The following METRNL variants were observed in gnomAD, a reference collection of about 807,000 sequenced individuals.
METRNL encodes the protein meteorin like, glial cell differentiation regulator, also known as meteorin-like protein.
METRNL carries 9 observed loss-of-function variants against 17.4 expected under a neutral mutation model. The ratio of observed to expected loss-of-function variants is 0.52; its 90% CI spans 0.31 to 0.90. METRNL has a LOEUF of 0.90. Ranked by LOEUF, METRNL falls within the 40% of genes least tolerant of loss-of-function variation. The probability of loss-of-function intolerance (pLI) is 0.05; values close to 1 mark genes in which losing one functional copy is unlikely to be tolerated. For synonymous variants in METRNL, 215 were observed against 199.3 expected, an observed-to-expected ratio of 1.08 and a Z score of -0.66; for missense variants, 408 against 430.7, an observed-to-expected ratio of 0.95 and a Z score of 0.47.
intron 1 of METRNL, among the ~76,000 whole-genome samples, chr17:83,081,650 C>T (rs1233677486): frequency 6.6e-6 from 1 of 151,448 alleles, no homozygotes; most frequent in Non-Finnish European, 1.5e-5. Flanking sequence ...CCTCAGACTC[C>T]CCAGAGGGGA....
In METRNL at chr17:83,079,784, G is replaced by T; in HGVS notation, c.-32G>T. 2.1e-6 allele frequency: 2 copies of T among 970,008 alleles called. No individual in the cohort carries two copies. The highest frequency in any genetic ancestry group is 2.4e-6 in the Non-Finnish European group (2 of 819,914). The allele number at this position is 970,008 out of a possible 1,614,324, so 60.1% of individuals were successfully genotyped here. A position where few individuals can be genotyped will look rare whatever the true frequency, so the allele number is the denominator to read the frequency against. On this transcript the variant is annotated 5_prime_UTR_variant, in exon 1 of 4. Transcript: ENST00000320095. ...GGGGTCTGCTCCGGGGGTCGCGGAC[G>T]CGGGGCCGGGCGGCGGAGCCGGCGC...
intron 3 of METRNL, among the ~76,000 whole-genome samples, chr17:83,093,690 G>C (rs1194535651): frequency 6.6e-6 from 1 of 152,142 alleles, no homozygotes; most frequent in Non-Finnish European, 1.5e-5. Context: ...GGGTCCCAGG[G>C]CTCCAGCCCC....
At position 83,094,426 on chromosome 17, in the gene METRNL, C is replaced by G. The variant is rs775875720; in HGVS notation, c.787C>G (p.Arg263Gly). 1 of 1,599,368 alleles carries G rather than the reference C, an allele frequency of 6.3e-7. No individual in the cohort carries two copies. The highest frequency in any genetic ancestry group is 1.3e-5 in the African/African-American group (1 of 74,798). ...CAGGACGCTGCTGGAGTGTGGCGTGCGGCCGGGGCATGGCGACTTCCTCTT... is the reference window on the plus strand; with the variant it reads ...CAGGACGCTGCTGGAGTGTGGCGTGGGGCCGGGGCATGGCGACTTCCTCTT... ...RVRTLLECGVRPGHGDFLFTG... is the reference protein window; with the variant it reads ...RVRTLLECGVGPGHGDFLFTG... Residue 263 changes from arginine (R) to glycine (G), a missense_variant, in exon 4 of 4, where the codon CGG becomes GGG. By Grantham distance (125) the Arg-to-Gly change is moderately radical (BLOSUM62 -2). Transcript: ENST00000320095.
chr17:83,084,939 G>A lies in METRNL; in HGVS notation c.172G>A (p.Gly58Arg), dbSNP rs1568335857. The A allele has an allele frequency of 1.9e-6, 3 of 1,609,620 alleles. No homozygotes were observed. The highest frequency in any genetic ancestry group is 1.7e-4 in the Middle Eastern group (1 of 6,034). Residue 58 changes from glycine (G) to arginine (R), a missense_variant and splice_region_variant, in exon 2 of 4, where the codon GGG becomes AGG. By Grantham distance (125) the Gly-to-Arg change is moderately radical. Transcript: ENST00000320095. The part of the protein sequence containing the change: ...SSDRCSWKGS[G>R]LTHEAHRKEV... ...GCTGACAGTGTCTCTCCTCTGCAGC[G>A]GGCTGACGCACGAGGCACACAGGAA...
chr17:83,091,246 C>G lies in METRNL; in HGVS notation c.557-1921C>G, dbSNP rs538653089. Among the ~76,000 whole-genome samples the G allele has an allele frequency of 6.5e-4, 96 of 148,594 alleles. No homozygotes were observed. The South Asian group carries it at 0.018, about 28-fold the overall frequency. On this transcript the variant is annotated intron_variant, in intron 2 of 3. Coordinates refer to ENST00000320095, the MANE Select transcript of METRNL (RefSeq NM_001004431.3). ...CCCAGTGCCAGGCTGGACCGGGCCTCGAGGCGCTCAGCAGGCTGTGCAGTT... is the reference window on the plus strand; with the variant it reads ...CCCAGTGCCAGGCTGGACCGGGCCTGGAGGCGCTCAGCAGGCTGTGCAGTT...
chr17:83,088,681 C>T (rs1017586328), intron 2 of METRNL, among the ~76,000 whole-genome samples: 1 of 151,420 alleles, frequency 6.6e-6, no homozygotes, highest in African/African-American at 2.4e-5. Flanking sequence ...CGCCGGAGTC[C>T]TGCAGCGTCT....
At chr17:83,089,792 T>G (rs1321369631) in intron 2 of METRNL, among the ~76,000 whole-genome samples, 1 of 152,176 alleles carries the variant, frequency 6.6e-6, no homozygotes, top group Non-Finnish European at 1.5e-5. Flanking sequence ...GAAGGTGACT[T>G]CTGCTTTGTA....
chr17:83,085,371 G>A, intron 2 of METRNL, 48 bp downstream of exon 2: 2 of 1,506,666 alleles, frequency 1.3e-6, no homozygotes, highest in Non-Finnish European at 1.8e-6. Context: ...TCATCACGGG[G>A]CTGGTGATGT....
At chr17:83,089,820 A>G (rs1442807967) in intron 2 of METRNL, among the ~76,000 whole-genome samples, 1 of 152,108 alleles carries the variant, frequency 6.6e-6, no homozygotes, top group African/African-American at 2.4e-5. Flanking sequence ...GAATCAGAAC[A>G]GGGAGGTCTC....
At chr17:83,094,055 T>C (rs914313127) in intron 3 of METRNL, among the ~76,000 whole-genome samples, 1 of 152,222 alleles carries the variant, frequency 6.6e-6, no homozygotes, top group African/African-American at 2.4e-5. Context: ...TCTCTGACGA[T>C]GTCTAAGTAT....
intron 2 of METRNL, among the ~76,000 whole-genome samples, chr17:83,088,419 G>A (rs1018334162): frequency 3.9e-5 from 6 of 152,344 alleles, no homozygotes; most frequent in African/African-American, 9.6e-5. Flanking sequence ...ACCCGAGACA[G>A]TCCAGGCAGG....
At position 83,093,227 on chromosome 17, in the gene METRNL, G is replaced by A; in HGVS notation, c.616+1G>A. ...CTAGCCGTCTGCACCAGCGACTTCG[G>A]TGAGTGTCTCCTCGGCAGCTTCTAC... is the stretch of plus-strand genomic sequence containing the variant. On this transcript the variant is annotated splice_donor_variant, in intron 3 of 3. Transcript: ENST00000320095. LOFTEE classifies it high-confidence loss of function. 2 of 1,607,140 alleles carry A rather than the reference G, an allele frequency of 1.2e-6. No individual in the cohort carries two copies. The highest frequency in any genetic ancestry group is 1.7e-6 in the Non-Finnish European group (2 of 1,179,348).
At chr17:83,086,112 A>G (rs946677905) in intron 2 of METRNL, among the ~76,000 whole-genome samples, 11 of 152,174 alleles carry the variant, frequency 7.2e-5, no homozygotes, top group Non-Finnish European at 1.5e-4. Flanking sequence ...ACCAGGAGGC[A>G]TGAGGTCCTG....
At chr17:83,081,401 C>G (rs536272749) in intron 1 of METRNL, among the ~76,000 whole-genome samples, 1 of 152,156 alleles carries the variant, frequency 6.6e-6, no homozygotes, top group Non-Finnish European at 1.5e-5. Context: ...GAGAAGGGGC[C>G]GGCGCCCTTT....
At chr17:83,084,588 T>G in intron 1 of METRNL, 41 of 298,320 alleles carry the variant, frequency 1.4e-4, no homozygotes, top group East Asian at 4.9e-4. Flanking sequence ...ATCGCAGAGA[T>G]TGGTGTTTGA....
intron 1 of METRNL, among the ~76,000 whole-genome samples, chr17:83,082,894 A>G (rs2038006083): frequency 6.6e-6 from 1 of 152,220 alleles, no homozygotes; most frequent in Non-Finnish European, 1.5e-5. Flanking sequence ...GAAAATCCCT[A>G]CGTCAGCGGG....
In METRNL at chr17:83,094,853, G is replaced by A. The variant is rs1372120050; in HGVS notation, c.*278G>A. 5 of 354,998 alleles carry A rather than the reference G, an allele frequency of 1.4e-5. No individual in the cohort carries two copies. The highest frequency in any genetic ancestry group is 7.1e-4 in the Middle Eastern group (1 of 1,412). 22.0% of individuals were successfully genotyped at this position (354,998 alleles called of 1,614,324 possible). On this transcript the variant is annotated 3_prime_UTR_variant, in exon 4 of 4. Transcript: ENST00000320095. Reference sequence around the variant, plus strand: ...AAATGTCCATAGGAAACAAATTCCCGTGTCTTAAAACGCCTTGGTGTGCCG... The same window carrying A: ...AAATGTCCATAGGAAACAAATTCCCATGTCTTAAAACGCCTTGGTGTGCCG...
intron 2 of METRNL, among the ~76,000 whole-genome samples, chr17:83,089,378 G>A (rs1220969596): frequency 6.6e-6 from 1 of 152,212 alleles, no homozygotes; most frequent in Non-Finnish European, 1.5e-5. Flanking sequence ...GGAACTGTGT[G>A]AGTCCCTCTG....
chr17:83,089,866 C>T (rs149225869), intron 2 of METRNL, among the ~76,000 whole-genome samples: 42 of 152,190 alleles, frequency 2.8e-4, no homozygotes, highest in Middle Eastern at 3.4e-3. Context: ...GTCGTTGGGT[C>T]GTCTCCAGAG....
Sources: allele counts gnomAD v4.1 joint callset (sites outside exome capture counted in the v4.1 genomes callset), GRCh38; gene constraint gnomAD v4.1.1; transcripts MANE v1.5; gene names NCBI Gene and HGNC (gene_info 2026-07-23, HGNC 2026-07-21).